SLC37A2: variants seen among roughly 807,000 people sequenced by gnomAD.
The protein encoded by SLC37A2 is glucose-6-phosphate exchanger SLC37A2.
SLC37A2 carries 59 observed loss-of-function variants against 70.7 expected under a neutral mutation model. The ratio of observed to expected loss-of-function variants is 0.83; its 90% CI spans 0.68 to 1.04. The LOEUF is 1.04. SLC37A2 is among the 50% of genes least tolerant of loss of function. The probability of loss-of-function intolerance (pLI) is 0.00; values close to 1 mark genes in which losing one functional copy is unlikely to be tolerated. For missense variants in SLC37A2, 580 were observed against 658.1 expected (o/e 0.88, Z 1.30); for synonymous variants, 257 against 262.1 (o/e 0.98, Z 0.19).
chr11:125,082,430 A>G (rs920160845), intron 10 of SLC37A2, 96 bp downstream of exon 10: 1 of 1,016,862 alleles, frequency 9.8e-7, no homozygotes, highest in Non-Finnish European at 1.6e-6. Context: ...CTGTGATTCC[A>G]GTATATAGGC....
chr11:125,087,755 C>T (rs1478150314), intron 17 of SLC37A2: 2 of 187,114 alleles, frequency 1.1e-5, no homozygotes, highest in South Asian at 1.1e-4. Flanking sequence ...GCCTCAGCCT[C>T]CCGAGTAGCT....
chr11:125,069,863 G>A (rs1314217949), intron 1 of SLC37A2, among the ~76,000 whole-genome samples: 1 of 152,268 alleles, frequency 6.6e-6, no homozygotes, highest in African/African-American at 2.4e-5. Flanking sequence ...TCGTCAGGAT[G>A]ACAATGAATG....
At position 125,079,309 on chromosome 11, in the gene SLC37A2, G is replaced by A. The variant is rs537594852; in HGVS notation, c.450+62G>A. 5.3e-5 allele frequency: 85 copies of A among 1,602,044 alleles called. 1 individual carries two copies. The South Asian group carries it at 7.6e-4, about 14-fold the overall frequency. On this transcript the variant is annotated intron_variant, in intron 5 of 17. Transcript: ENST00000403796. ...CGTCTCGGGAAGGACCTGGGAGACCGCAGCTCACAGCGGGTGGGAGCCTGT... is the reference window on the plus strand; with the variant it reads ...CGTCTCGGGAAGGACCTGGGAGACCACAGCTCACAGCGGGTGGGAGCCTGT...
chr11:125,084,118 C>A, intron 11 of SLC37A2, 116 bp from the exon 12 acceptor site: 2 of 1,177,992 alleles, frequency 1.7e-6, no homozygotes, highest in Non-Finnish European at 1.2e-6. Flanking sequence ...GAAAAAGCAG[C>A]TCTGCTGGTT....
At chr11:125,072,684 C>A (rs1254649822) in intron 1 of SLC37A2, among the ~76,000 whole-genome samples, 1 of 152,260 alleles carries the variant, frequency 6.6e-6, no homozygotes, top group Non-Finnish European at 1.5e-5. Flanking sequence ...AGTGCGTCAG[C>A]TGCCTTTCTG....
chr11:125,074,233 A>T (rs1417376622), intron 1 of SLC37A2, among the ~76,000 whole-genome samples: 1 of 151,780 alleles, frequency 6.6e-6, no homozygotes, highest in East Asian at 2.0e-4. Context: ...AGCTCCAGGA[A>T]TCCTTTCCCG....
intron 17 of SLC37A2, chr11:125,086,499 C>G: frequency 1.9e-6 from 1 of 526,524 alleles, no homozygotes; most frequent in South Asian, 2.1e-5. Context: ...GACATGCCCT[C>G]GGGGACAGAG....
At chr11:125,085,875 A>G in intron 16 of SLC37A2, 79 bp from the exon 17 acceptor site, 1 of 1,407,234 alleles carries the variant, frequency 7.1e-7, no homozygotes, top group Non-Finnish European at 1.0e-6. Flanking sequence ...CTGCCAGTCC[A>G]CGGGTCACCC....
intron 10 of SLC37A2, 57 bp downstream of exon 10, chr11:125,082,391 G>C: frequency 6.7e-7 from 1 of 1,486,912 alleles, no homozygotes. Flanking sequence ...GCTGCCTCTG[G>C]TGGGAGAGGA....
intron 2 of SLC37A2, 113 bp downstream of exon 2, chr11:125,076,951 TG>T: frequency 9.9e-7 from 1 of 1,009,326 alleles, no homozygotes. Flanking sequence ...CCACTCTCAG[TG>T]GCTGTCTTCC....
chr11:125,083,475 A>ATCTC lies in SLC37A2; in HGVS notation c.977-340_977-339insTCTC. The stretch of plus-strand genomic sequence containing the variant: ...GCTAGGGCCGGAGTGAAGCAGAGAA[A>ATCTC]GGGCTGGGCTGAGCTTCAGGTTGCG... On this transcript the variant is annotated intron_variant, in intron 10 of 17. Coordinates refer to ENST00000403796, the MANE Select transcript of SLC37A2 (RefSeq NM_001145290.2). The surrounding 1 kb of genome is among the most constrained non-coding windows in gnomAD (Gnocchi z 4.6). 3.9e-6 allele frequency: 1 copy of ATCTC among 257,186 alleles called. No homozygotes were observed. Among genetic ancestry groups the ATCTC allele is most frequent in the South Asian group, 6.7e-5 (1 of 14,932 alleles). 15.9% of individuals were successfully genotyped at this position (257,186 alleles called of 1,614,324 possible). A position where few individuals can be genotyped will look rare whatever the true frequency, so the allele number is the denominator to read the frequency against.
intron 10 of SLC37A2, 70 bp downstream of exon 10, chr11:125,082,404 C>T: frequency 7.3e-7 from 1 of 1,373,524 alleles, no homozygotes; most frequent in Non-Finnish European, 1.0e-6. Context: ...GGAGAGGAAG[C>T]CCGTCGTGGT....
chr11:125,072,036 G>A (rs1353468013), intron 1 of SLC37A2, among the ~76,000 whole-genome samples: 1 of 152,030 alleles, frequency 6.6e-6, no homozygotes, highest in East Asian at 1.9e-4. Flanking sequence ...GGACTGGGGA[G>A]TGACTAGGGA....
chr11:125,064,637 T>C (rs1354562740), intron 1 of SLC37A2, among the ~76,000 whole-genome samples: 1 of 152,220 alleles, frequency 6.6e-6, no homozygotes, highest in Admixed American at 6.5e-5. Flanking sequence ...TAGTCTTTTT[T>C]GAGTTGGAGA....
chr11:125,081,622 G>T lies in SLC37A2; in HGVS notation c.733-132G>T, dbSNP rs532537807. ...GCCCTACAGCCTGATGAGTCTGGCA[G>T]GTCAGTCCAGCCCGAGACGAACGTG... On this transcript the variant is annotated intron_variant, in intron 8 of 17. Coordinates refer to ENST00000403796, the MANE Select transcript of SLC37A2 (RefSeq NM_001145290.2). 1.1e-4 allele frequency: 159 copies of T among 1,397,506 alleles called. 1 individual carries two copies. In the South Asian group the frequency reaches 2.1e-3, roughly 18 times the overall value. The allele number at this position is 1,397,506 out of a possible 1,614,324, so 86.6% of individuals were successfully genotyped here. A position where few individuals can be genotyped will look rare whatever the true frequency, so the allele number is the denominator to read the frequency against.
intron 1 of SLC37A2, among the ~76,000 whole-genome samples, chr11:125,069,757 G>C (rs1949012162): frequency 6.6e-6 from 1 of 152,242 alleles, no homozygotes. Flanking sequence ...GTGGCGCCAG[G>C]TGTGTGGAGA....
At chr11:125,067,550 A>G (rs1277982985) in intron 1 of SLC37A2, among the ~76,000 whole-genome samples, 1 of 152,244 alleles carries the variant, frequency 6.6e-6, no homozygotes, top group Non-Finnish European at 1.5e-5. Flanking sequence ...GCAATTGATC[A>G]ATATTAACAT....
chr11:125,073,484 T>C (rs1231405396), intron 1 of SLC37A2, among the ~76,000 whole-genome samples: 5 of 152,190 alleles, frequency 3.3e-5, no homozygotes, highest in Non-Finnish European at 7.3e-5. Context: ...CAGAGCAGTG[T>C]GGGCCGCCTC....
At position 125,085,434 on chromosome 11, in the gene SLC37A2, T is replaced by C; in HGVS notation, c.1288T>C (p.Ser430Pro). 1.2e-6 allele frequency: 2 copies of C among 1,614,042 alleles called. No homozygotes were observed. Residue 430 changes from serine to proline, a missense_variant, in exon 15 of 18, where the codon TCC becomes CCC. Coordinates refer to ENST00000403796, the MANE Select transcript of SLC37A2 (RefSeq NM_001145290.2). ...KSLKGNAKAL[S>P]TVTAIIDGTG... ...CCTGAAGGGCAACGCCAAAGCCCTG[T>C]CCACGGTCACGGCCATCATTGACGG...
Sources: allele counts gnomAD v4.1 joint callset (sites outside exome capture counted in the v4.1 genomes callset), GRCh38; gene constraint gnomAD v4.1.1; non-coding constraint Gnocchi (gnomAD v3.1); transcripts MANE v1.5; gene names NCBI Gene and HGNC (gene_info 2026-07-23, HGNC 2026-07-21).